ZFHX4: variants seen among roughly 807,000 people sequenced by gnomAD.
ZFHX4 encodes the protein zinc finger homeobox 4, also known as zinc finger homeobox protein 4.
Under a neutral mutation model 267.6 loss-of-function variants are expected in ZFHX4, and 56 were observed. The ratio of observed to expected loss-of-function variants is 0.21; its 90% CI spans 0.17 to 0.26. The LOEUF (loss-of-function observed/expected upper bound fraction) is 0.26, where lower values mean the gene tolerates loss of function less well. Ranked by LOEUF, ZFHX4 falls within the 10% of genes least tolerant of loss-of-function variation. The pLI, the probability that ZFHX4 is intolerant of heterozygous loss-of-function variation, is 1.00. For missense variants in ZFHX4, 4,332 were observed against 4,420.0 expected (o/e 0.98, Z 0.56); for synonymous variants, 1,778 against 1,665.6 (o/e 1.07, Z -1.64).
In ZFHX4 at chr8:76,851,444, C is replaced by G; in HGVS notation, c.4523C>G (p.Ser1508Cys). 1 of 1,613,844 alleles carries G rather than the reference C, an allele frequency of 6.2e-7. No homozygotes were observed. Among genetic ancestry groups the G allele is most frequent in the East Asian group, 2.2e-5 (1 of 44,838 alleles). ...KASPVGSDSS[S>C]IPDDMGSEPK... ...AGTCCTGTAGGAAGTGATAGTAGCTCTATTCCAGATGACATGGGCTCTGAA... is the reference window on the plus strand; with the variant it reads ...AGTCCTGTAGGAAGTGATAGTAGCTGTATTCCAGATGACATGGGCTCTGAA... The change falls in exon 10 of 11, where the codon TCT (serine) becomes TGT (cysteine). Residue 1508 changes from serine (S) to cysteine (C), a missense_variant. Coordinates refer to ENST00000651372, the MANE Select transcript of ZFHX4 (RefSeq NM_024721.5).
intron 4 of ZFHX4, among the ~76,000 whole-genome samples, chr8:76,788,391 G>C (rs140625487): frequency 1.3e-3 from 200 of 152,300 alleles, no homozygotes; most frequent in Non-Finnish European, 1.8e-3. Flanking sequence ...AGTACTTACT[G>C]TATTGTAGAA....
intron 5 of ZFHX4, among the ~76,000 whole-genome samples, chr8:76,835,267 A>ATATATG (rs1812063764): frequency 7.6e-6 from 1 of 131,156 alleles, no homozygotes; most frequent in Non-Finnish European, 1.7e-5. Flanking sequence ...ATATTCATAC[A>ATATATG]TATATTTGTT....
chr8:76,840,793 G>A (rs187436819), intron 5 of ZFHX4, among the ~76,000 whole-genome samples: 244 of 152,282 alleles, frequency 1.6e-3, no homozygotes, highest in Non-Finnish European at 3.1e-3. Context: ...TAGAGATCAT[G>A]TCACATGTGT....
chr8:76,795,623 C>A (rs10095486), intron 4 of ZFHX4, among the ~76,000 whole-genome samples: 2 of 150,190 alleles, frequency 1.3e-5, no homozygotes, highest in Non-Finnish European at 3.0e-5. Flanking sequence ...CTCAGCTCAC[C>A]GCAACCTCTG....
chr8:76,784,622 A>C (rs1810640370), intron 4 of ZFHX4, among the ~76,000 whole-genome samples: 1 of 152,062 alleles, frequency 6.6e-6, no homozygotes, highest in African/African-American at 2.4e-5. Flanking sequence ...CAGAATATAT[A>C]GCAGGAACAC....
chr8:76,864,274 C>T lies in ZFHX4; in HGVS notation c.10560C>T (p.Cys3520=). ...ATAACACCTATCCTCATCTTTCTTG[C>T]TTCTCCATGAAGTCCTGGCCTAATA... The part of the protein sequence containing the change: ...SSNNTYPHLS[C]FSMKSWPNIL... Residue 3520 remains cysteine, a synonymous_variant, in exon 11 of 11, where the codon TGC becomes TGT. Coordinates refer to ENST00000651372, the MANE Select transcript of ZFHX4 (RefSeq NM_024721.5). 1.2e-6 allele frequency: 2 copies of T among 1,613,928 alleles called. No individual in the cohort carries two copies. The highest frequency in any genetic ancestry group is 2.2e-5 in the East Asian group (1 of 44,854).
intron 4 of ZFHX4, among the ~76,000 whole-genome samples, chr8:76,825,959 G>A (rs149657254): frequency 6.6e-6 from 1 of 152,078 alleles, no homozygotes; most frequent in Non-Finnish European, 1.5e-5. Context: ...GAGAGTAAAG[G>A]TACCTTTGTA....
Position 76,833,365 on chromosome 8 carries a change from G to GTGA in ZFHX4, c.3361_3363dup (p.Asp1121dup), listed in dbSNP as rs1286547665. ...ACTGCCTCATTGGGAGCCAGGACTTGTGATGATGATCTTACAGAGCAGCAG... is the reference window on the plus strand; with the variant it reads ...ACTGCCTCATTGGGAGCCAGGACTTGTGATGATGATGATCTTACAGAGCAGCAG... On this transcript the variant is annotated inframe_insertion, in exon 5 of 11. Coordinates refer to ENST00000651372, the MANE Select transcript of ZFHX4 (RefSeq NM_024721.5). The GTGA allele has an allele frequency of 7.4e-6, 12 of 1,610,992 alleles. No individual in the cohort carries two copies. The highest frequency in any genetic ancestry group is 1.7e-4 in the Middle Eastern group (1 of 6,050).
rs1196494148 is a variant in ZFHX4, at chr8:76,837,501, A to C, written c.3394+4095A>C. On this transcript the variant is annotated intron_variant, in intron 5 of 10. Transcript: ENST00000651372. Reference sequence around the variant, plus strand: ...AGAGGGAAATGCAAAAAGAAAAAAAAAAAAAACCAAAGCCAGACTACCAAG... The same window carrying C: ...AGAGGGAAATGCAAAAAGAAAAAAACAAAAAACCAAAGCCAGACTACCAAG... 3.3e-5 allele frequency among the ~76,000 whole-genome samples: 5 copies of C among 152,110 alleles called. No individual in the cohort carries two copies. In the East Asian group the frequency reaches 9.7e-4, roughly 29 times the overall value.
intron 4 of ZFHX4, among the ~76,000 whole-genome samples, chr8:76,794,329 G>A (rs960066995): frequency 6.6e-6 from 1 of 152,100 alleles, no homozygotes; most frequent in Admixed American, 6.6e-5. Flanking sequence ...CGAGGTTTTT[G>A]TTTTTGCTCT....
intron 4 of ZFHX4, among the ~76,000 whole-genome samples, chr8:76,832,212 A>T (rs549522922): frequency 1.6e-4 from 25 of 152,300 alleles, no homozygotes; most frequent in African/African-American, 6.0e-4. Context: ...GTAAATAAAC[A>T]TGATTTCCTT....
intron 3 of ZFHX4, among the ~76,000 whole-genome samples, chr8:76,709,012 G>A (rs1173569161): frequency 6.6e-6 from 1 of 152,128 alleles, no homozygotes; most frequent in Non-Finnish European, 1.5e-5. Context: ...TGCAAGTGTT[G>A]TCTATTGATT....
At chr8:76,843,673 G>T (rs1234686302) in intron 6 of ZFHX4, among the ~76,000 whole-genome samples, 1 of 152,076 alleles carries the variant, frequency 6.6e-6, no homozygotes, top group Non-Finnish European at 1.5e-5. Context: ...GCTGAAACGG[G>T]TTCAAGCCTA....
At chr8:76,830,898 G>A (rs980076883) in intron 4 of ZFHX4, among the ~76,000 whole-genome samples, 2 of 152,058 alleles carry the variant, frequency 1.3e-5, no homozygotes, top group Admixed American at 6.5e-5. Context: ...CTTGGTTTCC[G>A]GCCTTTGCTA....
Position 76,855,278 on chromosome 8 carries a change from C to G in ZFHX4, c.8357C>G (p.Ala2786Gly). The G allele has an allele frequency of 6.2e-7, 1 of 1,612,380 alleles. No homozygotes were observed. The highest frequency in any genetic ancestry group is 8.5e-7 in the Non-Finnish European group (1 of 1,179,418). Residue 2786 changes from alanine to glycine, a missense_variant, in exon 10 of 11, where the codon GCC becomes GGC. Coordinates refer to ENST00000651372, the MANE Select transcript of ZFHX4 (RefSeq NM_024721.5). ...TCTGAGGATGTAGAGAATTTAAATGCCCCTCCTGCTGAGGCTGGGTATGAT... is the reference window on the plus strand; with the variant it reads ...TCTGAGGATGTAGAGAATTTAAATGGCCCTCCTGCTGAGGCTGGGTATGAT... ...ECSEDVENLN[A>G]PPAEAGYDQN...
At chr8:76,696,487 A>G (rs1807960143) in intron 1 of ZFHX4, among the ~76,000 whole-genome samples, 1 of 152,066 alleles carries the variant, frequency 6.6e-6, no homozygotes, top group South Asian at 2.1e-4. Context: ...GAAAAGGGAT[A>G]ATATGTGGGT....
At chr8:76,744,643 C>A (rs1481240166) in intron 3 of ZFHX4, among the ~76,000 whole-genome samples, 1 of 151,990 alleles carries the variant, frequency 6.6e-6, no homozygotes, top group Non-Finnish European at 1.5e-5. Context: ...GCACTCCTGA[C>A]CTCAAGTAAT....
At chr8:76,784,227 A>C (rs896209463) in intron 4 of ZFHX4, among the ~76,000 whole-genome samples, 4 of 151,644 alleles carry the variant, frequency 2.6e-5, no homozygotes, top group African/African-American at 9.7e-5. Context: ...ATTTTATTTT[A>C]TTTTATTTTA....
At chr8:76,793,465 T>C (rs10095142) in intron 4 of ZFHX4, among the ~76,000 whole-genome samples, 20,407 of 152,206 alleles carry the variant, frequency 0.13, 2,271 homozygotes, top group African/African-American at 0.3. Context: ...AAACGGTAAA[T>C]GGAATGAAAT....
Sources: allele counts gnomAD v4.1 joint callset (sites outside exome capture counted in the v4.1 genomes callset), GRCh38; gene constraint gnomAD v4.1.1; transcripts MANE v1.5; gene names NCBI Gene and HGNC (gene_info 2026-07-23, HGNC 2026-07-21).